Variants in ROBO2 observed in about 807,000 individuals in gnomAD.
The protein encoded by ROBO2 is roundabout homolog 2.
In ROBO2, 53 loss-of-function variants were observed where a neutral mutation model predicts 160.8. That is an observed-to-expected ratio of 0.33 (90% CI 0.26 to 0.41). The LOEUF (loss-of-function observed/expected upper bound fraction) is 0.41. Among genes scored for constraint, ROBO2 ranks in the 10% least tolerant of loss-of-function variants. The pLI is 1.00. For synonymous variants in ROBO2, 664 were observed against 611.7 expected, an observed-to-expected ratio of 1.09 and a Z score of -1.26; for missense variants, 1,577 against 1,722.4, an observed-to-expected ratio of 0.92 and a Z score of 1.49.
At chr3:76,453,008 T>C (rs975852522) in intron 2 of ROBO2, among the ~76,000 whole-genome samples, 1 of 152,174 alleles carries the variant, frequency 6.6e-6, no homozygotes, top group African/African-American at 2.4e-5. Context: ...CTTTGCCCAC[T>C]TTTTGATGGG....
At chr3:76,868,077 A>G (rs1003434377) in intron 2 of ROBO2, among the ~76,000 whole-genome samples, 9 of 152,226 alleles carry the variant, frequency 5.9e-5, no homozygotes, top group African/African-American at 2.2e-4. Flanking sequence ...TATCCTATGC[A>G]TATGATAGTA....
At chr3:77,074,590 A>G (rs1324392380) in intron 1 of ROBO2, among the ~76,000 whole-genome samples, 1 of 152,216 alleles carries the variant, frequency 6.6e-6, no homozygotes, top group Non-Finnish European at 1.5e-5. Context: ...ATTTAGAAAA[A>G]GTTATGTCCT....
At chr3:77,011,069 C>CT (rs1553726638) in intron 2 of ROBO2, among the ~76,000 whole-genome samples, 2 of 116,012 alleles carry the variant, frequency 1.7e-5, no homozygotes, top group Non-Finnish European at 3.5e-5. Context: ...TTCTTTCTTT[C>CT]TTTCTTTCTT....
At chr3:76,105,240 CT>C (rs755651713) in intron 2 of ROBO2, among the ~76,000 whole-genome samples, 27 of 151,866 alleles carry the variant, frequency 1.8e-4, no homozygotes, top group Non-Finnish European at 3.4e-4. Context: ...ATAAATCCCC[CT>C]ATCACCCAAA....
intron 2 of ROBO2, among the ~76,000 whole-genome samples, chr3:76,516,467 G>T (rs575640660): frequency 1.3e-5 from 2 of 152,174 alleles, no homozygotes; most frequent in Admixed American, 1.3e-4. Flanking sequence ...GTAGATTCCC[G>T]TTTATTACTA....
rs140985080 is a variant in ROBO2, at chr3:76,923,226, G to A, written c.110-174788G>A. Among the ~76,000 whole-genome samples, 146 of 152,318 alleles carry A rather than the reference G, an allele frequency of 9.6e-4. 2 individuals are homozygous for A. The East Asian group carries it at 0.024, about 25-fold the overall frequency. The stretch of plus-strand genomic sequence containing the variant: ...ATCAAAAATATGAATCATTGCTGGA[G>A]GCTCAGGAAGAACGGCTCCCCGCCA... On this transcript the variant is annotated intron_variant, in intron 2 of 26. Coordinates refer to the ROBO2 transcript ENST00000487694.
intron 2 of ROBO2, among the ~76,000 whole-genome samples, chr3:76,324,396 A>C (rs1994986): frequency 0.5 from 76,307 of 152,050 alleles, 20,378 homozygotes; most frequent in East Asian, 0.66. Context: ...TCATTGTTAA[A>C]AAAATGTACA....
intron 2 of ROBO2, among the ~76,000 whole-genome samples, chr3:77,426,689 G>T (rs2078244021): frequency 7.5e-6 from 1 of 132,548 alleles, no homozygotes; most frequent in Non-Finnish European, 1.6e-5. Flanking sequence ...AGGAAGGAAG[G>T]AAGGAAGGAA....
At chr3:76,107,415 GAACAAC>G (rs2069990115) in intron 2 of ROBO2, among the ~76,000 whole-genome samples, 1 of 152,032 alleles carries the variant, frequency 6.6e-6, no homozygotes, top group African/African-American at 2.4e-5. Flanking sequence ...ATATACTCTA[GAACAAC>G]TCTCAGAGAA....
intron 2 of ROBO2, among the ~76,000 whole-genome samples, chr3:77,441,759 A>G (rs965373080): frequency 6.6e-6 from 1 of 152,218 alleles, no homozygotes; most frequent in Non-Finnish European, 1.5e-5. Context: ...GCTAGTTTCT[A>G]AACTTTAAAA....
intron 2 of ROBO2, among the ~76,000 whole-genome samples, chr3:76,095,461 A>T (rs932552765): frequency 2.0e-5 from 3 of 152,160 alleles, no homozygotes; most frequent in Admixed American, 6.5e-5. Flanking sequence ...GCAAAACCAA[A>T]TAAGACAAGC....
At chr3:76,804,641 G>C (rs146260740) in intron 2 of ROBO2, among the ~76,000 whole-genome samples, 2 of 152,124 alleles carry the variant, frequency 1.3e-5, no homozygotes, top group Non-Finnish European at 1.5e-5. Context: ...TATTAGCTTC[G>C]CAAACACTAG....
chr3:77,092,224 G>T (rs1168994482), intron 1 of ROBO2: 1 of 151,312 alleles, frequency 6.6e-6, no homozygotes, highest in Non-Finnish European at 1.5e-5. Flanking sequence ...CGAGGAAAAT[G>T]TTTTCTGCTG....
rs1475849876 is a variant in ROBO2, at chr3:76,570,685, G to C, written c.110-527329G>C. On this transcript the variant is annotated intron_variant, in intron 2 of 26. Transcript: ENST00000487694. The stretch of plus-strand genomic sequence containing the variant: ...TATGAACATGCTCATTGAAATTTAA[G>C]GAAGGTAATCTGGTTTAGAAACATA... Among the ~76,000 whole-genome samples, 2 of 152,168 alleles carry C rather than the reference G, an allele frequency of 1.3e-5. 1 individual carries two copies. Among genetic ancestry groups the C allele is most frequent in the South Asian group, 4.2e-4 (2 of 4,814 alleles).
At chr3:76,429,167 C>A (rs577916731) in intron 2 of ROBO2, among the ~76,000 whole-genome samples, 3 of 146,518 alleles carry the variant, frequency 2.0e-5, no homozygotes, top group Non-Finnish European at 4.5e-5. Flanking sequence ...CCAGTGGGCG[C>A]ACACACACAC....
chr3:77,525,435 A>AC (rs397736529), intron 6 of ROBO2, among the ~76,000 whole-genome samples: 4 of 150,478 alleles, frequency 2.7e-5, no homozygotes, highest in African/African-American at 9.7e-5. Context: ...AAAAAAAAAA[A>AC]CTATAAATTG....
chr3:75,977,452 A>T (rs1004985100), intron 2 of ROBO2, among the ~76,000 whole-genome samples: 1 of 151,540 alleles, frequency 6.6e-6, no homozygotes, highest in African/African-American at 2.4e-5. Context: ...TTTTCAGTTG[A>T]TTCAGTTTAT....
intron 2 of ROBO2, among the ~76,000 whole-genome samples, chr3:76,303,236 T>C (rs1183686802): frequency 6.6e-6 from 1 of 152,180 alleles, no homozygotes; most frequent in Non-Finnish European, 1.5e-5. Context: ...AGTGAAGTCA[T>C]GTAATCACTT....
intron 2 of ROBO2, among the ~76,000 whole-genome samples, chr3:75,967,532 A>G (rs1949160024): frequency 6.6e-6 from 1 of 151,614 alleles, no homozygotes; most frequent in South Asian, 2.1e-4. Context: ...ATATAAAATT[A>G]CAAACAAATT....
Sources: allele counts gnomAD v4.1 joint callset (sites outside exome capture counted in the v4.1 genomes callset), GRCh38; gene constraint gnomAD v4.1.1; transcripts MANE v1.5; gene names NCBI Gene and HGNC (gene_info 2026-07-23, HGNC 2026-07-21).